GRM7: variants seen among roughly 807,000 people sequenced by gnomAD.
GRM7 encodes metabotropic glutamate receptor 7.
In GRM7, 35 loss-of-function variants were observed where a neutral mutation model predicts 84.5. The ratio of observed to expected loss-of-function variants is 0.41; its 90% CI spans 0.32 to 0.55. The LOEUF (loss-of-function observed/expected upper bound fraction) is 0.55, where lower values mean the gene tolerates loss of function less well. GRM7 is among the 20% of genes least tolerant of loss of function. The pLI, the probability that GRM7 is intolerant of heterozygous loss-of-function variation, is 0.19. For synonymous variants in GRM7, 487 were observed against 455.1 expected (o/e 1.07, Z -0.89); for missense variants, 1,003 against 1,194.6 (o/e 0.84, Z 2.36).
chr3:7,204,874 G>T (rs1179456241), intron 2 of GRM7, among the ~76,000 whole-genome samples: 3 of 152,190 alleles, frequency 2.0e-5, no homozygotes, highest in African/African-American at 7.2e-5. Flanking sequence ...TATGTTTTAG[G>T]TCAATATGTT....
chr3:7,266,201 GA>G (rs933815779), intron 2 of GRM7, among the ~76,000 whole-genome samples: 33 of 150,798 alleles, frequency 2.2e-4, no homozygotes, highest in Non-Finnish European at 2.5e-4. Context: ...TTGTTCAAGG[GA>G]AAAAAAAATC....
chr3:7,682,374 G>T (rs976081071), intron 9 of GRM7: 5 of 148,462 alleles, frequency 3.4e-5, no homozygotes, highest in African/African-American at 1.0e-4. Flanking sequence ...AAAAAAAAGA[G>T]AAGAATTTAT....
chr3:6,940,159 G>A (rs575723179), intron 1 of GRM7, among the ~76,000 whole-genome samples: 3 of 152,108 alleles, frequency 2.0e-5, no homozygotes, highest in South Asian at 2.1e-4. Context: ...TGGCACAATC[G>A]TGGCTCACTG....
chr3:6,888,926 C>A (rs1695817428), intron 1 of GRM7, among the ~76,000 whole-genome samples: 1 of 152,130 alleles, frequency 6.6e-6, no homozygotes, highest in Admixed American at 6.5e-5. Flanking sequence ...GTTTGTAGTT[C>A]TCCTTGAAGA....
intron 1 of GRM7, among the ~76,000 whole-genome samples, chr3:7,049,056 T>A (rs899947734): frequency 3.9e-5 from 6 of 152,018 alleles, no homozygotes; most frequent in Admixed American, 6.6e-5. Flanking sequence ...TCAATCAATA[T>A]TAAAATGTTG....
intron 1 of GRM7, among the ~76,000 whole-genome samples, chr3:7,056,042 A>C (rs202066330): frequency 6.6e-6 from 1 of 151,986 alleles, no homozygotes; most frequent in East Asian, 1.9e-4. Context: ...AGGCCTTCAC[A>C]CAACAACAAT....
chr3:7,099,925 T>TATATA lies in GRM7; in HGVS notation c.520-46526_520-46522dup, dbSNP rs1491527115. Among the ~76,000 whole-genome samples the TATATA allele has an allele frequency of 5.9e-4, 20 of 33,732 alleles. No homozygotes were observed. The African/African-American group carries it at 0.015, about 25-fold the overall frequency. 22.1% of individuals were successfully genotyped at this position (33,732 alleles called of 152,430 possible). On this transcript the variant is annotated intron_variant, in intron 1 of 9. Transcript: ENST00000357716. ...TTATACATATATAATATTAATATAT[T>TATATA]ATATATATTATGATATACATTATGT...
Position 7,151,731 on chromosome 3 carries a change from G to A in GRM7, c.736+5063G>A, listed in dbSNP as rs561428195. Among the ~76,000 whole-genome samples the A allele has an allele frequency of 2.0e-5, 3 of 151,968 alleles. No individual in the cohort carries two copies. The highest frequency in any genetic ancestry group is 4.8e-5 in the African/African-American group (2 of 41,382). ...GGAAGCATGTAGAGAAACACCTTAC[G>A]ATATGTAATTTTGCTAGAAGGCCAT... is the stretch of plus-strand genomic sequence containing the variant. On this transcript the variant is annotated intron_variant, in intron 2 of 9. Coordinates refer to ENST00000357716, the MANE Select transcript of GRM7 (RefSeq NM_000844.4). The surrounding 1 kb of genome is among the most constrained non-coding windows in gnomAD (Gnocchi z 4.5).
At chr3:7,178,777 T>A (rs1256634920) in intron 2 of GRM7, among the ~76,000 whole-genome samples, 1 of 151,702 alleles carries the variant, frequency 6.6e-6, no homozygotes, top group Non-Finnish European at 1.5e-5. Context: ...GTCAAGTATG[T>A]CATATGAAAA....
intron 4 of GRM7, among the ~76,000 whole-genome samples, chr3:7,404,789 A>C (rs1165088447): frequency 6.6e-6 from 1 of 151,838 alleles, no homozygotes; most frequent in African/African-American, 2.4e-5. Context: ...TTTGAGTCCT[A>C]CATAAAAAAA....
chr3:6,861,933 G>A lies in GRM7; in HGVS notation c.519+26G>A, dbSNP rs781673032. 6.3e-6 allele frequency: 10 copies of A among 1,581,814 alleles called. No homozygotes were observed. Among genetic ancestry groups the A allele is most frequent in the Non-Finnish European group, 8.6e-6 (10 of 1,159,000 alleles). On this transcript the variant is annotated intron_variant, in intron 1 of 9. Coordinates refer to ENST00000357716, the MANE Select transcript of GRM7 (RefSeq NM_000844.4). The surrounding 1 kb of genome is among the most constrained non-coding windows in gnomAD (Gnocchi z 6.4). ...GTAGGGATGCGCTCCCTCCGGGGCG[G>A]AGCACACAGTGGCTACCTGCGCCCT...
chr3:7,516,164 CAAAAAAA>C (rs35256206), intron 7 of GRM7, among the ~76,000 whole-genome samples: 6 of 31,430 alleles, frequency 1.9e-4, no homozygotes, highest in African/African-American at 2.5e-4. Context: ...CACCATATCT[CAAAAAAA>C]AAAAAAAAAA....
chr3:7,052,720 GTT>G (rs372132445), intron 1 of GRM7, among the ~76,000 whole-genome samples: 16 of 101,526 alleles, frequency 1.6e-4, no homozygotes, highest in Middle Eastern at 6.0e-3. Context: ...AGTATCGGTA[GTT>G]TTTTTTTTTT....
At position 7,639,928 on chromosome 3, in the gene GRM7, C is replaced by T. The variant is rs76170683; in HGVS notation, c.2452-40121C>T. 3.4e-4 allele frequency among the ~76,000 whole-genome samples: 52 copies of T among 152,256 alleles called. 2 individuals are homozygous for T. The East Asian group carries it at 9.5e-3, about 28-fold the overall frequency. ...TAGATTAGTTCTGTTTGTGCTTGAACATCATATGAATGAAATCATTCAGTA... is the reference window on the plus strand; with the variant it reads ...TAGATTAGTTCTGTTTGTGCTTGAATATCATATGAATGAAATCATTCAGTA... On this transcript the variant is annotated intron_variant, in intron 8 of 9. Coordinates refer to ENST00000357716, the MANE Select transcript of GRM7 (RefSeq NM_000844.4).
intron 7 of GRM7, among the ~76,000 whole-genome samples, chr3:7,464,685 G>A (rs1228982930): frequency 1.3e-5 from 2 of 151,906 alleles, no homozygotes; most frequent in East Asian, 1.9e-4. Flanking sequence ...AAAATTAGCC[G>A]GGCATGGTGG....
intron 7 of GRM7, among the ~76,000 whole-genome samples, chr3:7,517,513 C>A (rs1700437790): frequency 1.3e-5 from 2 of 152,094 alleles, no homozygotes; most frequent in Middle Eastern, 3.2e-3. Context: ...ATGCCTCCGC[C>A]TCTCGAGTAG....
intron 9 of GRM7, among the ~76,000 whole-genome samples, chr3:7,712,464 T>G (rs1002685324): frequency 6.6e-6 from 1 of 152,028 alleles, no homozygotes; most frequent in Non-Finnish European, 1.5e-5. Flanking sequence ...CACTTTTTTG[T>G]TGGATCCTTC....
At chr3:7,327,227 T>A (rs1386693261) in intron 4 of GRM7, among the ~76,000 whole-genome samples, 1 of 152,180 alleles carries the variant, frequency 6.6e-6, no homozygotes, top group Non-Finnish European at 1.5e-5. Flanking sequence ...AAAATATTCT[T>A]ATATTGAGTA....
chr3:7,459,546 G>C (rs1698154315), intron 6 of GRM7, among the ~76,000 whole-genome samples: 1 of 152,010 alleles, frequency 6.6e-6, no homozygotes, highest in Non-Finnish European at 1.5e-5. Flanking sequence ...AAGACAAAAG[G>C]CACGTCTTTA....
Sources: allele counts gnomAD v4.1 joint callset (sites outside exome capture counted in the v4.1 genomes callset), GRCh38; gene constraint gnomAD v4.1.1; non-coding constraint Gnocchi (gnomAD v3.1); transcripts MANE v1.5; gene names NCBI Gene and HGNC (gene_info 2026-07-23, HGNC 2026-07-21).